PPM1H: variants seen among roughly 807,000 people sequenced by gnomAD.
PPM1H encodes protein phosphatase, Mg2+/Mn2+ dependent 1H.
A neutral mutation model predicts 54.9 loss-of-function variants in PPM1H; 27 were observed. The ratio of observed to expected loss-of-function variants is 0.49; its 90% confidence interval spans 0.36 to 0.68. The LOEUF (loss-of-function observed/expected upper bound fraction) is 0.68. Among genes scored for constraint, PPM1H ranks in the 30% least tolerant of loss-of-function variants. The pLI, the probability that PPM1H is intolerant of heterozygous loss-of-function variation, is 0.00. For synonymous variants in PPM1H, 305 were observed against 270.8 expected (o/e 1.13, Z -1.24); for missense variants, 596 against 667.8 (o/e 0.89, Z 1.19).
intron 2 of PPM1H, among the ~76,000 whole-genome samples, chr12:62,804,360 A>AAAAAAAAAAAAAAAAAACAAG (rs2076791591): frequency 6.6e-6 from 1 of 152,024 alleles, no homozygotes; most frequent in African/African-American, 2.4e-5. Flanking sequence ...TCAAAAAAAA[A>AAAAAAAAAAAAAAAAAACAAG]AGATTGTTTA....
intron 1 of PPM1H, among the ~76,000 whole-genome samples, chr12:62,853,900 G>A (rs935722985): frequency 1.3e-5 from 2 of 152,146 alleles, no homozygotes; most frequent in African/African-American, 4.8e-5. Flanking sequence ...ATTGGGAAGA[G>A]AGGTAGGTAG....
intron 1 of PPM1H, among the ~76,000 whole-genome samples, chr12:62,918,881 A>C (rs1871704468): frequency 6.6e-6 from 1 of 152,244 alleles, no homozygotes; most frequent in South Asian, 2.1e-4. Context: ...TAATAGGTGC[A>C]CACAAATTAT....
chr12:62,672,362 C>T (rs1169331880), intron 8 of PPM1H, among the ~76,000 whole-genome samples: 3 of 152,232 alleles, frequency 2.0e-5, no homozygotes, highest in East Asian at 3.8e-4. Context: ...AACTGACAAA[C>T]AGCACACTGG....
At chr12:62,740,192 A>G (rs879436093) in intron 4 of PPM1H, among the ~76,000 whole-genome samples, 4 of 152,176 alleles carry the variant, frequency 2.6e-5, no homozygotes, top group African/African-American at 4.8e-5. Flanking sequence ...TTCAGGGTCT[A>G]TCTACTCCCT....
chr12:62,913,327 G>C (rs904539605), intron 1 of PPM1H, among the ~76,000 whole-genome samples: 1 of 152,254 alleles, frequency 6.6e-6, no homozygotes, highest in East Asian at 1.9e-4. Flanking sequence ...TTACTGTTGC[G>C]GTGAGGATGT....
intron 9 of PPM1H, chr12:62,658,858 CA>C (rs1565747149): frequency 2.2e-5 from 13 of 589,858 alleles, no homozygotes; most frequent in East Asian, 7.5e-5. Context: ...CCAAGATTGT[CA>C]AAAAAAGAAC....
intron 5 of PPM1H, among the ~76,000 whole-genome samples, chr12:62,729,073 C>A (rs2076305908): frequency 6.6e-6 from 1 of 152,248 alleles, no homozygotes; most frequent in East Asian, 1.9e-4. Flanking sequence ...CTTACATATG[C>A]TAAGTACCAG....
At position 62,844,833 on chromosome 12, in the gene PPM1H, A is replaced by G. The variant is rs568455423; in HGVS notation, c.246-12554T>C. On this transcript the variant is annotated intron_variant, in intron 1 of 9. Transcript: ENST00000228705. This position sits in a 1 kb window ranked among gnomAD's most constrained non-coding sequence, Gnocchi z 5.2. ...ATGACGGTGTTCTAAGCCTGCCTAT[A>G]TATTTCTTAAAGCTTACAATATTTG... Among the ~76,000 whole-genome samples the G allele has an allele frequency of 2.6e-4, 40 of 152,348 alleles. No homozygotes were observed. The highest frequency in any genetic ancestry group is 3.4e-3 in the Middle Eastern group (1 of 294).
intron 4 of PPM1H, among the ~76,000 whole-genome samples, chr12:62,778,407 G>A (rs1478229604): frequency 6.6e-6 from 1 of 152,126 alleles, no homozygotes; most frequent in Non-Finnish European, 1.5e-5. Flanking sequence ...CAGAAATGTT[G>A]TGTGTCTCTA....
Position 62,756,119 on chromosome 12 carries a change from G to C in PPM1H, c.870-18533C>G. ...TCCACTCTTCAACCTTTGATGCTGG[G>C]GATGGCATTGACCTCAACGACCACT... On this transcript the variant is annotated intron_variant, in intron 4 of 9. Coordinates refer to ENST00000228705, the MANE Select transcript of PPM1H (RefSeq NM_020700.2). 14 of 880,274 alleles carry C rather than the reference G, an allele frequency of 1.6e-5. No homozygotes were observed. The South Asian group carries it at 1.8e-4, about 11-fold the overall frequency. 54.5% of individuals were successfully genotyped at this position (880,274 alleles called of 1,614,324 possible).
chr12:62,819,158 T>C (rs1428851436), intron 2 of PPM1H, among the ~76,000 whole-genome samples: 2 of 108,442 alleles, frequency 1.8e-5, no homozygotes, highest in African/African-American at 7.5e-5. Context: ...TGAGATGGAG[T>C]CTCACTCTGT....
At chr12:62,788,170 T>C (rs2076683684) in intron 4 of PPM1H, 56 bp downstream of exon 4, 2 of 1,153,334 alleles carry the variant, frequency 1.7e-6, no homozygotes, top group Non-Finnish European at 2.5e-6. Flanking sequence ...TGAGACAAAA[T>C]AAAAACATCA....
At chr12:62,881,478 T>C (rs1870393902) in intron 1 of PPM1H, among the ~76,000 whole-genome samples, 2 of 152,044 alleles carry the variant, frequency 1.3e-5, no homozygotes, top group South Asian at 4.2e-4. Context: ...AGAAAGAATG[T>C]TGCAGGAGAA....
intron 7 of PPM1H, among the ~76,000 whole-genome samples, chr12:62,691,237 T>C (rs921270911): frequency 3.3e-5 from 5 of 152,196 alleles, no homozygotes; most frequent in African/African-American, 9.7e-5. Flanking sequence ...AGCAGTGTCC[T>C]AACCCTTAAT....
At chr12:62,919,122 A>C (rs553216517) in intron 1 of PPM1H, among the ~76,000 whole-genome samples, 2 of 152,376 alleles carry the variant, frequency 1.3e-5, no homozygotes, top group East Asian at 3.9e-4. Context: ...TTAAACTTGC[A>C]GCTGACATGC....
At chr12:62,655,372 A>C (rs530568511) in intron 9 of PPM1H, among the ~76,000 whole-genome samples, 18 of 152,276 alleles carry the variant, frequency 1.2e-4, no homozygotes, top group African/African-American at 4.3e-4. Context: ...GAACAAACAA[A>C]CAACTTTCTC....
chr12:62,774,823 G>A (rs924276323), intron 4 of PPM1H, among the ~76,000 whole-genome samples: 1 of 152,156 alleles, frequency 6.6e-6, no homozygotes, highest in Non-Finnish European at 1.5e-5. Flanking sequence ...GTTGCTAAGC[G>A]GATCACAAGC....
intron 5 of PPM1H, among the ~76,000 whole-genome samples, chr12:62,723,319 G>A (rs576809744): frequency 2.0e-5 from 3 of 151,702 alleles, no homozygotes; most frequent in East Asian, 1.9e-4. Context: ...AAAAAGTAGC[G>A]GTGCTTTCAT....
intron 4 of PPM1H, among the ~76,000 whole-genome samples, chr12:62,747,141 CT>C (rs59711942): frequency 0.63 from 90,846 of 144,488 alleles, 28,342 homozygotes; most frequent in East Asian, 0.73. Flanking sequence ...GGTTTTTTTT[CT>C]TTTTTTTTTT....
Sources: gnomAD v4.1 joint callset for allele counts (sites outside exome capture counted in the v4.1 genomes callset) on GRCh38, gnomAD v4.1.1 for gene constraint, Gnocchi (gnomAD v3.1) non-coding constraint, MANE v1.5 for transcripts, NCBI Gene and HGNC (gene_info 2026-07-23, HGNC 2026-07-21) for gene names.